EXOC6B: variants seen among roughly 807,000 people sequenced by gnomAD.
The protein encoded by EXOC6B is SEC15 homolog B.
Under a neutral mutation model 113.5 loss-of-function variants are expected in EXOC6B, and 54 were observed. That is an observed-to-expected ratio of 0.48 (90% CI 0.38 to 0.60). The LOEUF (loss-of-function observed/expected upper bound fraction) is 0.60. Ranked by LOEUF, EXOC6B falls within the 20% of genes least tolerant of loss-of-function variation. The pLI, the probability that EXOC6B is intolerant of heterozygous loss-of-function variation, is 0.00. For synonymous variants in EXOC6B, 357 were observed against 339.0 expected (o/e 1.05, Z -0.58); for missense variants, 797 against 977.5 (o/e 0.82, Z 2.46).
At chr2:72,666,780 G>GACACAT (rs1558897574) in intron 6 of EXOC6B, among the ~76,000 whole-genome samples, 1 of 81,160 alleles carries the variant, frequency 1.2e-5, no homozygotes, top group Admixed American at 1.5e-4. Flanking sequence ...ATTTACAATA[G>GACACAT]ACACACACAC....
intron 6 of EXOC6B, among the ~76,000 whole-genome samples, chr2:72,614,537 T>A (rs535442646): frequency 8.1e-4 from 124 of 152,250 alleles, no homozygotes; most frequent in South Asian, 2.5e-3. Context: ...AGAAGGACCA[T>A]AGCATCAACA....
At chr2:72,224,416 A>G (rs1250771014) in intron 20 of EXOC6B, among the ~76,000 whole-genome samples, 3 of 152,188 alleles carry the variant, frequency 2.0e-5, no homozygotes, top group South Asian at 2.1e-4. Flanking sequence ...TAAAAATGCT[A>G]TATGTACAAA....
intron 1 of EXOC6B, among the ~76,000 whole-genome samples, chr2:72,802,937 C>A (rs958422376): frequency 6.6e-6 from 1 of 152,160 alleles, no homozygotes; most frequent in Non-Finnish European, 1.5e-5. Flanking sequence ...AACAAGCCCT[C>A]CCAGTGGTTC....
intron 20 of EXOC6B, among the ~76,000 whole-genome samples, chr2:72,282,506 A>T (rs1685185266): frequency 6.6e-6 from 1 of 152,052 alleles, no homozygotes; most frequent in South Asian, 2.1e-4. Context: ...AAAAAGTTAA[A>T]AAAAAAAGAA....
At chr2:72,471,542 C>A (rs1228560920) in intron 17 of EXOC6B, among the ~76,000 whole-genome samples, 2 of 152,110 alleles carry the variant, frequency 1.3e-5, no homozygotes, top group African/African-American at 2.4e-5. Context: ...CTTGCCCATG[C>A]CTATGTCCTG....
intron 6 of EXOC6B, among the ~76,000 whole-genome samples, chr2:72,659,213 C>T (rs891966523): frequency 2.0e-5 from 3 of 152,076 alleles, no homozygotes; most frequent in African/African-American, 7.2e-5. Context: ...AGATATTATA[C>T]TCCCATCTGA....
At chr2:72,810,431 T>G (rs1685839326) in intron 1 of EXOC6B, among the ~76,000 whole-genome samples, 1 of 151,470 alleles carries the variant, frequency 6.6e-6, no homozygotes, top group Non-Finnish European at 1.5e-5. Flanking sequence ...ATATCAAAAC[T>G]GATGGGATAC....
intron 6 of EXOC6B, among the ~76,000 whole-genome samples, chr2:72,613,835 C>T (rs1382831367): frequency 1.3e-5 from 2 of 151,806 alleles, no homozygotes; most frequent in African/African-American, 4.8e-5. Context: ...GAAACTATGG[C>T]CCACAAGCCA....
At chr2:72,809,558 T>C (rs1466391622) in intron 1 of EXOC6B, among the ~76,000 whole-genome samples, 1 of 146,726 alleles carries the variant, frequency 6.8e-6, no homozygotes, top group Non-Finnish European at 1.5e-5. Context: ...AGGAAGGAAA[T>C]AATAAAATAA....
intron 6 of EXOC6B, among the ~76,000 whole-genome samples, chr2:72,644,664 C>A (rs1673555881): frequency 1.3e-5 from 2 of 152,134 alleles, no homozygotes; most frequent in African/African-American, 4.8e-5. Context: ...ATTTTCAACC[C>A]AGAATTTCAT....
intron 17 of EXOC6B, among the ~76,000 whole-genome samples, chr2:72,468,874 C>T (rs1698222813): frequency 6.6e-6 from 1 of 152,076 alleles, no homozygotes; most frequent in South Asian, 2.1e-4. Flanking sequence ...TTCATCTTTA[C>T]ATTACTTGCA....
chr2:72,709,410 T>C lies in EXOC6B; in HGVS notation c.669+8693A>G, dbSNP rs75896180. The stretch of plus-strand genomic sequence containing the variant: ...CAGGTTGGAGGGCACATCGCAGGGA[T>C]TGTTGGAGGGCTCTAGATCCAAACC... On this transcript the variant is annotated intron_variant, in intron 6 of 21. Coordinates refer to ENST00000272427, the MANE Select transcript of EXOC6B (RefSeq NM_015189.3). Among the ~76,000 whole-genome samples, 1,007 of 152,232 alleles carry C rather than the reference T, an allele frequency of 6.6e-3. 4 individuals carry two copies. The highest frequency in any genetic ancestry group is 0.02 in the Middle Eastern group (6 of 294).
intron 19 of EXOC6B, among the ~76,000 whole-genome samples, chr2:72,353,762 C>T (rs920822267): frequency 1.3e-5 from 2 of 151,766 alleles, no homozygotes; most frequent in African/African-American, 2.4e-5. Flanking sequence ...GAAATTCCTA[C>T]GATATACTAT....
At chr2:72,805,095 GC>G (rs1196847211) in intron 1 of EXOC6B, among the ~76,000 whole-genome samples, 6 of 152,122 alleles carry the variant, frequency 3.9e-5, no homozygotes, top group African/African-American at 1.4e-4. Context: ...TCAACAAACT[GC>G]TGTAACCTAA....
intron 20 of EXOC6B, among the ~76,000 whole-genome samples, chr2:72,253,286 G>T (rs1464809816): frequency 6.6e-6 from 1 of 152,144 alleles, no homozygotes; most frequent in Admixed American, 6.5e-5. Context: ...AAGCAGTTTG[G>T]TGATGTCTGA....
chr2:72,652,678 T>C (rs1042305674), intron 6 of EXOC6B, among the ~76,000 whole-genome samples: 25 of 148,854 alleles, frequency 1.7e-4, no homozygotes, highest in Non-Finnish European at 3.7e-4. Context: ...TATGTATATA[T>C]AAATGATTGT....
intron 20 of EXOC6B, among the ~76,000 whole-genome samples, chr2:72,329,944 A>G (rs1313953679): frequency 6.6e-6 from 1 of 152,098 alleles, no homozygotes; most frequent in Non-Finnish European, 1.5e-5. Context: ...GAAATTGGGG[A>G]ATAACTGGCC....
chr2:72,720,362 T>A (rs1278823695), intron 5 of EXOC6B, among the ~76,000 whole-genome samples: 5 of 152,112 alleles, frequency 3.3e-5, no homozygotes, highest in Non-Finnish European at 5.9e-5. Flanking sequence ...AAAAGCATGA[T>A]CCAACTACAT....
At chr2:72,320,067 C>T (rs903309067) in intron 20 of EXOC6B, among the ~76,000 whole-genome samples, 1 of 151,822 alleles carries the variant, frequency 6.6e-6, no homozygotes, top group African/African-American at 2.4e-5. Context: ...GATCTCCTGA[C>T]CTCGTGATCC....
Sources: allele counts gnomAD v4.1 joint callset (sites outside exome capture counted in the v4.1 genomes callset), GRCh38; gene constraint gnomAD v4.1.1; transcripts MANE v1.5; gene names NCBI Gene and HGNC (gene_info 2026-07-23, HGNC 2026-07-21).